Variants in MAL2 observed in about 807,000 individuals in gnomAD.
MAL2 encodes the protein protein MAL2.
MAL2 carries 17 observed loss-of-function variants against 18.1 expected under a neutral mutation model. That is an observed-to-expected ratio of 0.94 (90% CI 0.64 to 1.41). The LOEUF (loss-of-function observed/expected upper bound fraction) is 1.41. Among genes scored for constraint, MAL2 ranks in the 40% most tolerant of loss-of-function variants. MAL2 has a pLI of 0.00. For missense variants in MAL2, 222 were observed against 231.9 expected, an observed-to-expected ratio of 0.96 and a Z score of 0.28; for synonymous variants, 102 against 102.3, an observed-to-expected ratio of 1.00 and a Z score of 0.02.
intron 1 of MAL2, among the ~76,000 whole-genome samples, chr8:119,213,290 A>G (rs1276578640): frequency 2.6e-5 from 4 of 152,234 alleles, no homozygotes; most frequent in East Asian, 3.8e-4. Context: ...AGATAAATCT[A>G]TGAAAGGGAC....
At chr8:119,222,619 G>A (rs1407226050) in intron 2 of MAL2, among the ~76,000 whole-genome samples, 1 of 151,830 alleles carries the variant, frequency 6.6e-6, no homozygotes, top group Non-Finnish European at 1.5e-5. Flanking sequence ...CTTGAGACCA[G>A]GAGCTCAAGG....
At chr8:119,226,696 G>A (rs141591876) in intron 2 of MAL2, among the ~76,000 whole-genome samples, 2 of 152,288 alleles carry the variant, frequency 1.3e-5, no homozygotes, top group Admixed American at 6.5e-5. Context: ...GAGGCCAGGG[G>A]CCTAGGGCAG....
chr8:119,237,928 G>C (rs1486047953), intron 2 of MAL2, among the ~76,000 whole-genome samples: 2 of 152,212 alleles, frequency 1.3e-5, no homozygotes, highest in Non-Finnish European at 1.5e-5. Context: ...AGTGTTGGAA[G>C]TTCTGGCCAG....
chr8:119,239,768 TGTGGGGAGGGATAG>T (rs1461408492), intron 2 of MAL2, among the ~76,000 whole-genome samples: 3 of 147,926 alleles, frequency 2.0e-5, no homozygotes, highest in Non-Finnish European at 2.9e-5. Flanking sequence ...TGGGGACTGT[TGTGGGGAGGGATAG>T]CATTAGGAGA....
At chr8:119,209,134 C>G (rs1249566339) in intron 1 of MAL2, 15 of 157,518 alleles carry the variant, frequency 9.5e-5, no homozygotes. Flanking sequence ...CCCCACTCAC[C>G]CTTGCCATCA....
At chr8:119,235,078 G>A (rs938363555) in intron 2 of MAL2, among the ~76,000 whole-genome samples, 123 of 151,848 alleles carry the variant, frequency 8.1e-4, no homozygotes, top group African/African-American at 2.6e-3. Context: ...TTAGAAGAAT[G>A]TATAACTAGA....
Position 119,208,627 on chromosome 8 carries a change from G to T in MAL2, c.132+23G>T. 1 of 1,291,784 alleles carries T rather than the reference G, an allele frequency of 7.7e-7. No homozygotes were observed. Among genetic ancestry groups the T allele is most frequent in the East Asian group, 3.1e-5 (1 of 31,948 alleles). The allele number at this position is 1,291,784 out of a possible 1,614,324, so 80.0% of individuals were successfully genotyped here. On this transcript the variant is annotated intron_variant, in intron 1 of 3. Transcript: ENST00000614891. This position sits in a 1 kb window ranked among gnomAD's most constrained non-coding sequence, Gnocchi z 4.3. The stretch of plus-strand genomic sequence containing the variant: ...ATTGTAAGTGGGGCCGCCGGAGCGA[G>T]GGTCGCGCGGGGAGCGAGGACAGGC...
At chr8:119,219,690 C>G (rs75031144) in intron 1 of MAL2, among the ~76,000 whole-genome samples, 223 of 152,210 alleles carry the variant, frequency 1.5e-3, no homozygotes, top group African/African-American at 4.8e-3. Context: ...GAAAGGATTA[C>G]TGTGTAGATT....
intron 2 of MAL2, among the ~76,000 whole-genome samples, chr8:119,227,711 T>C (rs566218034): frequency 4.6e-5 from 7 of 152,312 alleles, no homozygotes; most frequent in African/African-American, 1.7e-4. Flanking sequence ...GCAGATCCAT[T>C]TCTCCATATA....
At chr8:119,225,312 T>C (rs1324505946) in intron 2 of MAL2, among the ~76,000 whole-genome samples, 1 of 149,636 alleles carries the variant, frequency 6.7e-6, no homozygotes, top group Non-Finnish European at 1.5e-5. Flanking sequence ...GATGTTCCCC[T>C]TCCTGTGTCC....
chr8:119,240,334 T>C lies in MAL2; in HGVS notation c.459+14T>C, dbSNP rs752553733. 6.8e-6 allele frequency: 11 copies of C among 1,611,996 alleles called. No individual in the cohort carries two copies. The South Asian group carries it at 1.2e-4, about 18-fold the overall frequency. ...GTAGCAGCCTCAGTAAGTATTCATATTCAATGAGTACCATTCACCAGCACT... is the reference window on the plus strand; with the variant it reads ...GTAGCAGCCTCAGTAAGTATTCATACTCAATGAGTACCATTCACCAGCACT... On this transcript the variant is annotated intron_variant, in intron 3 of 3. Coordinates refer to ENST00000614891, the MANE Select transcript of MAL2 (RefSeq NM_052886.3).
rs1817225856 is a variant in MAL2, at chr8:119,208,758, C to T, written c.132+154C>T. On this transcript the variant is annotated intron_variant, in intron 1 of 3. Transcript: ENST00000614891. The surrounding 1 kb of genome is among the most constrained non-coding windows in gnomAD (Gnocchi z 4.3). ...CTCCCTCCCGGGGTCCTCTCGGTGC[C>T]CCGCGCCGCCGCCCGGGCCCTCCCT... 2 of 1,144,274 alleles carry T rather than the reference C, an allele frequency of 1.7e-6. No homozygotes were observed. Among genetic ancestry groups the T allele is most frequent in the Non-Finnish European group, 2.2e-6 (2 of 914,036 alleles). The allele number at this position is 1,144,274 out of a possible 1,614,324, so 70.9% of individuals were successfully genotyped here.
chr8:119,210,016 G>T (rs987985980), intron 1 of MAL2, among the ~76,000 whole-genome samples: 1 of 152,156 alleles, frequency 6.6e-6, no homozygotes, highest in African/African-American at 2.4e-5. Context: ...TTTATTCCAT[G>T]TTCTGCAAGC....
At chr8:119,242,857 C>T (rs1470409797) in intron 3 of MAL2, among the ~76,000 whole-genome samples, 5 of 152,198 alleles carry the variant, frequency 3.3e-5, no homozygotes, top group Non-Finnish European at 7.3e-5. Context: ...GTGATATACA[C>T]ACAGTTGGTG....
intron 2 of MAL2, among the ~76,000 whole-genome samples, chr8:119,228,854 A>G (rs963041700): frequency 6.6e-6 from 1 of 152,180 alleles, no homozygotes; most frequent in Non-Finnish European, 1.5e-5. Flanking sequence ...GTAGAAGCTC[A>G]GTTTTCATTC....
chr8:119,236,970 C>A (rs1426786951), intron 2 of MAL2, among the ~76,000 whole-genome samples: 3 of 150,902 alleles, frequency 2.0e-5, no homozygotes, highest in Admixed American at 1.3e-4. Context: ...AATAGAGACA[C>A]AAAAAACCCT....
chr8:119,222,644 A>T (rs1284142001), intron 2 of MAL2, among the ~76,000 whole-genome samples: 1 of 151,940 alleles, frequency 6.6e-6, no homozygotes, highest in East Asian at 1.9e-4. Flanking sequence ...CCTGGGAAAC[A>T]TGGTGTAACC....
chr8:119,227,613 C>T (rs1817622646), intron 2 of MAL2, among the ~76,000 whole-genome samples: 1 of 152,204 alleles, frequency 6.6e-6, no homozygotes, highest in South Asian at 2.1e-4. Flanking sequence ...TGTCAGCTAC[C>T]TGCACCCCTC....
At position 119,240,439 on chromosome 8, in the gene MAL2, T is replaced by C. The variant is rs1818024990; in HGVS notation, c.459+119T>C. ...CAATGCTAGCCATTGGCATTAAATA[T>C]GTAATAGCTATTTATCTGTACAATA... On this transcript the variant is annotated intron_variant, in intron 3 of 3. Transcript: ENST00000614891. 4.0e-6 allele frequency: 4 copies of C among 1,012,316 alleles called. No homozygotes were observed. The Admixed American group carries it at 1.0e-4, about 26-fold the overall frequency. 62.7% of individuals were successfully genotyped at this position (1,012,316 alleles called of 1,614,324 possible).
Sources: allele counts gnomAD v4.1 joint callset (sites outside exome capture counted in the v4.1 genomes callset), GRCh38; gene constraint gnomAD v4.1.1; non-coding constraint Gnocchi (gnomAD v3.1); transcripts MANE v1.5; gene names NCBI Gene and HGNC (gene_info 2026-07-23, HGNC 2026-07-21).